GRIA1: variants seen among roughly 807,000 people sequenced by gnomAD.
GRIA1 encodes glutamate ionotropic receptor AMPA type subunit 1.
A neutral mutation model predicts 99.2 loss-of-function variants in GRIA1; 31 were observed. The ratio of observed to expected loss-of-function variants is 0.31; its 90% confidence interval spans 0.23 to 0.42. The LOEUF is 0.42. Among genes scored for constraint, GRIA1 ranks in the 10% least tolerant of loss-of-function variants. GRIA1 has a pLI of 1.00. For synonymous variants in GRIA1, 438 were observed against 432.4 expected (o/e 1.01, Z -0.16); for missense variants, 782 against 1,157.5 (o/e 0.68, Z 4.71).
intron 14 of GRIA1, among the ~76,000 whole-genome samples, chr5:153,799,971 C>A (rs1765899454): frequency 6.6e-6 from 1 of 152,110 alleles, no homozygotes; most frequent in Non-Finnish European, 1.5e-5. Flanking sequence ...AGGCAGATAC[C>A]CTCTTAGGGC....
chr5:153,665,311 T>G (rs1755666309), intron 5 of GRIA1, among the ~76,000 whole-genome samples: 1 of 152,244 alleles, frequency 6.6e-6, no homozygotes, highest in Admixed American at 6.5e-5. Context: ...GTATGTCTGT[T>G]GGTGTGTTTG....
intron 10 of GRIA1, among the ~76,000 whole-genome samples, chr5:153,701,723 C>G (rs927625919): frequency 3.3e-5 from 5 of 150,152 alleles, no homozygotes; most frequent in African/African-American, 9.8e-5. Context: ...TTTCTGTTCC[C>G]TTGGGGAAGA....
chr5:153,543,029 A>C (rs973470096), intron 2 of GRIA1, among the ~76,000 whole-genome samples: 6 of 152,242 alleles, frequency 3.9e-5, no homozygotes, highest in Non-Finnish European at 8.8e-5. Context: ...TACATAAAGC[A>C]ATTAGCATAG....
chr5:153,766,051 T>C (rs1375213959), intron 12 of GRIA1, among the ~76,000 whole-genome samples: 1 of 152,118 alleles, frequency 6.6e-6, no homozygotes, highest in Non-Finnish European at 1.5e-5. Context: ...CAAACCACTG[T>C]GGGAGATGCT....
chr5:153,667,007 T>C (rs977774356), intron 5 of GRIA1, among the ~76,000 whole-genome samples: 3 of 152,208 alleles, frequency 2.0e-5, no homozygotes, highest in Non-Finnish European at 4.4e-5. Context: ...AAAAAAATAC[T>C]TCTAATATAA....
chr5:153,523,132 G>GCA (rs1178400259), intron 2 of GRIA1, among the ~76,000 whole-genome samples: 1 of 151,474 alleles, frequency 6.6e-6, no homozygotes, highest in Non-Finnish European at 1.5e-5. Context: ...TTGTCTGATT[G>GCA]GGTAAGTTCA....
intron 7 of GRIA1, among the ~76,000 whole-genome samples, chr5:153,681,813 A>G (rs1374067452): frequency 6.6e-6 from 1 of 152,144 alleles, no homozygotes; most frequent in Non-Finnish European, 1.5e-5. Flanking sequence ...AGGTGGGCAG[A>G]TCACGAGGTA....
intron 2 of GRIA1, among the ~76,000 whole-genome samples, chr5:153,586,011 G>A (rs556781563): frequency 2.0e-5 from 3 of 152,204 alleles, no homozygotes; most frequent in Non-Finnish European, 2.9e-5. Flanking sequence ...CAATTTTCAT[G>A]ATGTAAAGAC....
At chr5:153,797,843 G>T (rs922568681) in intron 14 of GRIA1, among the ~76,000 whole-genome samples, 5 of 152,166 alleles carry the variant, frequency 3.3e-5, no homozygotes, top group Non-Finnish European at 7.4e-5. Context: ...TGTCGCTCTT[G>T]GGGAAAATAT....
At chr5:153,771,296 C>T (rs1434278622) in intron 13 of GRIA1, among the ~76,000 whole-genome samples, 1 of 152,144 alleles carries the variant, frequency 6.6e-6, no homozygotes, top group Non-Finnish European at 1.5e-5. Context: ...AGGATTAAAT[C>T]ATTTGGGGGA....
rs745602330 is a variant in GRIA1, at chr5:153,802,448, C to T, written c.2478C>T (p.Ile826=). Residue 826 remains isoleucine, a synonymous_variant, in exon 15 of 16, where the codon ATC becomes ATT. Transcript: ENST00000285900. ...GLGLAMLVAL[I]EFCYKSRSES... ...GACTAGCCATGCTGGTTGCCTTAATCGAGTTCTGCTACAAATCCCGTAGTG... is the reference window on the plus strand; with the variant it reads ...GACTAGCCATGCTGGTTGCCTTAATTGAGTTCTGCTACAAATCCCGTAGTG... The T allele has an allele frequency of 1.4e-4, 226 of 1,613,784 alleles. No individual in the cohort carries two copies. The highest frequency in any genetic ancestry group is 1.6e-4 in the Middle Eastern group (1 of 6,084).
intron 11 of GRIA1, among the ~76,000 whole-genome samples, chr5:153,711,450 G>A (rs1165477591): frequency 6.6e-6 from 1 of 152,100 alleles, no homozygotes; most frequent in Non-Finnish European, 1.5e-5. Context: ...AGGAGGGGGA[G>A]GAATCAAGGG....
At chr5:153,598,996 C>A (rs1362207488) in intron 2 of GRIA1, among the ~76,000 whole-genome samples, 3 of 152,160 alleles carry the variant, frequency 2.0e-5, no homozygotes, top group Non-Finnish European at 4.4e-5. Flanking sequence ...ATTCTCCTGC[C>A]TCAGCCTCCC....
At chr5:153,806,705 G>C (rs1237433027) in intron 15 of GRIA1, among the ~76,000 whole-genome samples, 1 of 152,230 alleles carries the variant, frequency 6.6e-6, no homozygotes, top group African/African-American at 2.4e-5. Flanking sequence ...AGAAAGAAGG[G>C]TGGAGGAGAG....
intron 10 of GRIA1, among the ~76,000 whole-genome samples, chr5:153,703,630 C>T (rs1446184788): frequency 6.6e-6 from 1 of 152,142 alleles, no homozygotes; most frequent in Non-Finnish European, 1.5e-5. Context: ...ATCCCAGCTA[C>T]TTAGGAGGCT....
Position 153,705,693 on chromosome 5 carries a change from T to TTTTA in GRIA1, c.1453-4_1453-3insTTTA. 1 of 1,101,462 alleles carries TTTTA rather than the reference T, an allele frequency of 9.1e-7. No homozygotes were observed. Among genetic ancestry groups the TTTTA allele is most frequent in the Admixed American group, 3.7e-5 (1 of 27,112 alleles). The allele number at this position is 1,101,462 out of a possible 1,614,324, so 68.2% of individuals were successfully genotyped here. ...TTTTTTTTTTTTTTTTTTTTTTTTT[T>TTTTA]CAGAGAGCAGATGTGGCTGTGGCTC... On this transcript the variant is annotated splice_polypyrimidine_tract_variant and splice_region_variant and intron_variant, in intron 10 of 15. Coordinates refer to ENST00000285900, the MANE Select transcript of GRIA1 (RefSeq NM_000827.4).
chr5:153,640,373 G>T (rs772289732), intron 2 of GRIA1, among the ~76,000 whole-genome samples: 7 of 152,240 alleles, frequency 4.6e-5, no homozygotes, highest in Non-Finnish European at 1.5e-5. Flanking sequence ...AAAGTGAAAT[G>T]CTACATTGAC....
At chr5:153,805,349 A>G (rs1766356742) in intron 15 of GRIA1, among the ~76,000 whole-genome samples, 1 of 152,202 alleles carries the variant, frequency 6.6e-6, no homozygotes, top group African/African-American at 2.4e-5. Context: ...GACATCCCAC[A>G]CACTGAGAGT....
At chr5:153,711,152 T>C (rs1179233431) in intron 11 of GRIA1, among the ~76,000 whole-genome samples, 3 of 152,194 alleles carry the variant, frequency 2.0e-5, no homozygotes, top group African/African-American at 7.2e-5. Flanking sequence ...GGTCACATTT[T>C]AAATTTGATG....
Sources: allele counts gnomAD v4.1 joint callset (sites outside exome capture counted in the v4.1 genomes callset), GRCh38; gene constraint gnomAD v4.1.1; transcripts MANE v1.5; gene names NCBI Gene and HGNC (gene_info 2026-07-23, HGNC 2026-07-21).